Variants in RARB observed in about 807,000 individuals in gnomAD.
The protein encoded by RARB is retinoic acid receptor beta.
RARB carries 17 observed loss-of-function variants against 51.9 expected under a neutral mutation model. That is an observed-to-expected ratio of 0.33 (90% CI 0.22 to 0.49). The LOEUF (loss-of-function observed/expected upper bound fraction) is 0.49, where lower values mean the gene tolerates loss of function less well. Among genes scored for constraint, RARB ranks in the 20% least tolerant of loss-of-function variants. The pLI, the probability that RARB is intolerant of heterozygous loss-of-function variation, is 0.99. For synonymous variants in RARB, 215 were observed against 195.4 expected (o/e 1.10, Z -0.84); for missense variants, 369 against 550.8 (o/e 0.67, Z 3.30).
intron 5 of RARB, among the ~76,000 whole-genome samples, chr3:25,250,516 G>A (rs1702686173): frequency 6.6e-6 from 1 of 152,152 alleles, no homozygotes; most frequent in South Asian, 2.1e-4. Context: ...AGCATCTCAT[G>A]GCACTTGTAG....
intron 2 of RARB, among the ~76,000 whole-genome samples, chr3:24,871,247 G>T (rs1702942279): frequency 6.6e-6 from 1 of 152,030 alleles, no homozygotes; most frequent in Non-Finnish European, 1.5e-5. Context: ...AATTTTCAGA[G>T]AATTTTTATT....
At chr3:25,583,112 G>A (rs959291360) in intron 5 of RARB, among the ~76,000 whole-genome samples, 2 of 152,266 alleles carry the variant, frequency 1.3e-5, no homozygotes, top group Non-Finnish European at 2.9e-5. Context: ...GATAGTTAAA[G>A]GGCAAAGACC....
chr3:24,869,008 G>A (rs997009664), intron 2 of RARB, among the ~76,000 whole-genome samples: 3 of 152,046 alleles, frequency 2.0e-5, no homozygotes, highest in Non-Finnish European at 2.9e-5. Flanking sequence ...AAAGGCCTTT[G>A]GTGACTCATG....
chr3:24,901,638 T>A (rs1365153382), intron 2 of RARB, among the ~76,000 whole-genome samples: 3 of 152,196 alleles, frequency 2.0e-5, no homozygotes, highest in Non-Finnish European at 4.4e-5. Flanking sequence ...TGCTCAGATT[T>A]TATGAGAGTG....
intron 4 of RARB, among the ~76,000 whole-genome samples, chr3:25,159,459 G>T (rs1407381449): frequency 6.6e-6 from 1 of 150,536 alleles, no homozygotes; most frequent in Admixed American, 6.6e-5. Flanking sequence ...GATTACAGGC[G>T]TGAGCCACCG....
chr3:25,594,456 A>G, intron 6 of RARB, 64 bp from the exon 7 acceptor site: 3 of 1,477,060 alleles, frequency 2.0e-6, no homozygotes, highest in Non-Finnish European at 2.7e-6. Flanking sequence ...GAATAAGGAA[A>G]CAAGGAAGAG....
At chr3:25,045,932 A>G (rs1481917910) in intron 2 of RARB, among the ~76,000 whole-genome samples, 1 of 152,250 alleles carries the variant, frequency 6.6e-6, no homozygotes, top group African/African-American at 2.4e-5. Flanking sequence ...ACATAGGAAA[A>G]TGGTTTGATC....
At chr3:25,086,040 C>T (rs903288779) in intron 3 of RARB, among the ~76,000 whole-genome samples, 2 of 152,108 alleles carry the variant, frequency 1.3e-5, no homozygotes, top group Non-Finnish European at 2.9e-5. Context: ...TTCTCTATAT[C>T]CCTGATTAGT....
chr3:25,332,138 C>G (rs529566071), intron 5 of RARB, among the ~76,000 whole-genome samples: 5 of 152,222 alleles, frequency 3.3e-5, no homozygotes, highest in African/African-American at 1.2e-4. Flanking sequence ...CTATTCCAAT[C>G]AATAGAAAAA....
chr3:25,065,285 A>G, intron 3 of RARB, among the ~76,000 whole-genome samples: 1 of 152,136 alleles, frequency 6.6e-6, no homozygotes, highest in East Asian at 1.9e-4. Flanking sequence ...TCACTATGTC[A>G]CTTTAGTGAA....
intron 2 of RARB, among the ~76,000 whole-genome samples, chr3:25,485,954 C>T (rs1696448211): frequency 6.6e-6 from 1 of 152,168 alleles, no homozygotes; most frequent in Admixed American, 6.5e-5. Context: ...AAGAACAGTG[C>T]AGTGGCTTAC....
intron 5 of RARB, among the ~76,000 whole-genome samples, chr3:25,418,965 A>G (rs763040327): frequency 2.6e-4 from 40 of 151,664 alleles, no homozygotes; most frequent in Admixed American, 2.6e-3. Flanking sequence ...AAAGGCATAT[A>G]AAAATTGATT....
chr3:25,205,384 A>G lies in RARB; in HGVS notation c.178+30809A>G, dbSNP rs559792344. On this transcript the variant is annotated intron_variant, in intron 5 of 11. Coordinates refer to the RARB transcript ENST00000383772. ...CCCCTTGCACTTCCCGGGTGAGGCAATGCCTCACCCTGCTTTGGCTCACGT... is the reference window on the plus strand; with the variant it reads ...CCCCTTGCACTTCCCGGGTGAGGCAGTGCCTCACCCTGCTTTGGCTCACGT... Among the ~76,000 whole-genome samples the G allele has an allele frequency of 2.5e-3, 378 of 152,158 alleles. 1 individual carries two copies. Among genetic ancestry groups the G allele is most frequent in the African/African-American group, 8.8e-3 (365 of 41,534 alleles).
intron 2 of RARB, among the ~76,000 whole-genome samples, chr3:25,048,752 CTT>C (rs34598308): frequency 4.6e-5 from 5 of 108,398 alleles, no homozygotes; most frequent in South Asian, 3.0e-4. Context: ...ATTAAGCCCA[CTT>C]TTTTTTTTTT....
chr3:24,986,826 T>C (rs1012743718), intron 2 of RARB, among the ~76,000 whole-genome samples: 3 of 152,220 alleles, frequency 2.0e-5, no homozygotes, highest in African/African-American at 7.2e-5. Context: ...TGCTGTGCGG[T>C]GAACTCCTAC....
At chr3:25,004,283 AAAATC>A (rs1234759578) in intron 2 of RARB, among the ~76,000 whole-genome samples, 2 of 152,162 alleles carry the variant, frequency 1.3e-5, no homozygotes, top group African/African-American at 4.8e-5. Context: ...CAAAAAGAGA[AAAATC>A]AAATAGGATT....
At chr3:25,410,212 C>T (rs1707522711) in intron 5 of RARB, among the ~76,000 whole-genome samples, 2 of 152,170 alleles carry the variant, frequency 1.3e-5, no homozygotes, top group African/African-American at 2.4e-5. Flanking sequence ...TTAGCAAATA[C>T]ATATAACCTA....
rs147602895 is a variant in RARB, at chr3:25,468,856, C to T, written c.306+7515C>T. ...CTTTGTCCTTGCTCTCTACATTTTG[C>T]CTTTGATGGGTGGAAACTTCCTATC... On this transcript the variant is annotated intron_variant, in intron 2 of 7. Transcript: ENST00000330688. Among the ~76,000 whole-genome samples the T allele has an allele frequency of 3.9e-5, 6 of 152,290 alleles. No homozygotes were observed. In the East Asian group the frequency reaches 1.2e-3, roughly 29 times the overall value.
chr3:25,121,977 G>C (rs1039614056), intron 3 of RARB, among the ~76,000 whole-genome samples: 3 of 152,052 alleles, frequency 2.0e-5, no homozygotes, highest in African/African-American at 4.8e-5. Flanking sequence ...CTGTATTAGG[G>C]AAACCCATAC....
Sources: allele counts gnomAD v4.1 joint callset (sites outside exome capture counted in the v4.1 genomes callset), GRCh38; gene constraint gnomAD v4.1.1; transcripts MANE v1.5; gene names NCBI Gene and HGNC (gene_info 2026-07-23, HGNC 2026-07-21).